Variants in NCAM2 observed in about 807,000 individuals in gnomAD.
The protein encoded by NCAM2 is N-CAM-2.
NCAM2 carries 30 observed loss-of-function variants against 98.1 expected under a neutral mutation model. That is an observed-to-expected ratio of 0.31 (90% CI 0.23 to 0.41). NCAM2 has a LOEUF of 0.41. Among genes scored for constraint, NCAM2 ranks in the 10% least tolerant of loss-of-function variants. The probability of loss-of-function intolerance (pLI) is 1.00; values close to 1 mark genes in which losing one functional copy is unlikely to be tolerated. For missense variants in NCAM2, 867 were observed against 1,005.8 expected (o/e 0.86, Z 1.87); for synonymous variants, 368 against 342.4 (o/e 1.07, Z -0.83).
rs115766445 is a variant in NCAM2 at position 21,385,067 on chromosome 21, C to T, written c.1195+11054C>T. Among the ~76,000 whole-genome samples the T allele has an allele frequency of 5.8e-3, 888 of 151,832 alleles. 13 individuals carry two copies. Among genetic ancestry groups the T allele is most frequent in the African/African-American group, 0.02 (819 of 41,436 alleles). ...CCACTATTTATTAAATCTTAATTCC[C>T]TTTATGTGAAGATTATGACACATTT... is the stretch of plus-strand genomic sequence containing the variant. On this transcript the variant is annotated intron_variant, in intron 9 of 17. Transcript: ENST00000400546.
intron 1 of NCAM2, among the ~76,000 whole-genome samples, chr21:21,137,706 C>G (rs145647782): frequency 3.9e-5 from 6 of 151,960 alleles, no homozygotes; most frequent in Admixed American, 3.3e-4. Flanking sequence ...TGCAGTGAGC[C>G]GAGATCGTGC....
chr21:21,227,320 G>T (rs1015118540), intron 1 of NCAM2, among the ~76,000 whole-genome samples: 7 of 151,654 alleles, frequency 4.6e-5, no homozygotes, highest in African/African-American at 1.7e-4. Context: ...TTCATACAAA[G>T]AAAAGGTAGT....
At chr21:21,056,546 GGAGA>G (rs531425532) in intron 1 of NCAM2, among the ~76,000 whole-genome samples, 1,706 of 147,706 alleles carry the variant, frequency 0.012, 13 homozygotes, top group Non-Finnish European at 0.016. Context: ...GGGAGAGAGA[GGAGA>G]GAGAGAGAGA....
At chr21:21,202,567 C>T (rs1306606593) in intron 1 of NCAM2, among the ~76,000 whole-genome samples, 1 of 151,750 alleles carries the variant, frequency 6.6e-6, no homozygotes, top group Admixed American at 6.6e-5. Context: ...CAGGCATGTG[C>T]CACCATGCCT....
chr21:21,092,600 C>G (rs1362376146), intron 1 of NCAM2, among the ~76,000 whole-genome samples: 1 of 151,790 alleles, frequency 6.6e-6, no homozygotes, highest in African/African-American at 2.4e-5. Context: ...AATATTATGT[C>G]AACTGAATAT....
rs184845569 is a variant in NCAM2 at position 21,383,884 on chromosome 21, G to C, written c.1195+9871G>C. Among the ~76,000 whole-genome samples the C allele has an allele frequency of 7.9e-5, 12 of 151,734 alleles. No individual in the cohort carries two copies. In the East Asian group the frequency reaches 2.1e-3, roughly 27 times the overall value. On this transcript the variant is annotated intron_variant, in intron 9 of 17. Coordinates refer to ENST00000400546, the MANE Select transcript of NCAM2 (RefSeq NM_004540.5). ...ATATATTCTCAAAAACATTATTTTT[G>C]TAATGTAAGATTGTTTAAACTACAA... is the stretch of plus-strand genomic sequence containing the variant.
intron 8 of NCAM2, among the ~76,000 whole-genome samples, chr21:21,361,737 C>G (rs543583556): frequency 6.6e-6 from 1 of 152,210 alleles, no homozygotes; most frequent in South Asian, 2.1e-4. Context: ...ATAAATCTTT[C>G]AAAGTTAAAA....
chr21:21,377,253 C>A (rs2076053887), intron 9 of NCAM2, among the ~76,000 whole-genome samples: 1 of 151,710 alleles, frequency 6.6e-6, no homozygotes, highest in Admixed American at 6.6e-5. Flanking sequence ...GTATACACCA[C>A]TAAATCTATA....
At chr21:21,201,923 A>G (rs2051267) in intron 1 of NCAM2, among the ~76,000 whole-genome samples, 129,485 of 152,074 alleles carry the variant, frequency 0.85, 56,652 homozygotes, top group Non-Finnish European at 0.96. Flanking sequence ...TCTCAAAATC[A>G]TGTTAAAAAA....
At chr21:21,090,364 A>G (rs1475073703) in intron 1 of NCAM2, among the ~76,000 whole-genome samples, 1 of 152,194 alleles carries the variant, frequency 6.6e-6, no homozygotes, top group Non-Finnish European at 1.5e-5. Context: ...AAATGTCAAT[A>G]GGCCTAGGGG....
At chr21:21,365,926 G>A (rs897253841) in intron 8 of NCAM2, among the ~76,000 whole-genome samples, 1 of 151,608 alleles carries the variant, frequency 6.6e-6, no homozygotes, top group Non-Finnish European at 1.5e-5. Flanking sequence ...TTGCTGTCTC[G>A]ATTGATATAT....
chr21:21,028,932 G>A (rs1043078734), intron 1 of NCAM2, among the ~76,000 whole-genome samples: 3 of 152,086 alleles, frequency 2.0e-5, no homozygotes, highest in African/African-American at 4.8e-5. Flanking sequence ...TTTTTCATAA[G>A]TCTGAGTATA....
intron 1 of NCAM2, among the ~76,000 whole-genome samples, chr21:21,131,422 C>A (rs188941735): frequency 2.0e-5 from 3 of 151,984 alleles, no homozygotes; most frequent in African/African-American, 4.8e-5. Context: ...TACAGGCATG[C>A]GCCACCACAC....
chr21:21,293,196 T>G (rs2073356767), intron 5 of NCAM2, among the ~76,000 whole-genome samples: 1 of 151,956 alleles, frequency 6.6e-6, no homozygotes, highest in Non-Finnish European at 1.5e-5. Context: ...CAGTCTAATC[T>G]GTTATGAAGA....
intron 1 of NCAM2, among the ~76,000 whole-genome samples, chr21:21,274,066 T>C (rs1399858660): frequency 0.023 from 3 of 132 alleles, no homozygotes; most frequent in Non-Finnish European, 0.042. Flanking sequence ...TTGGGAGGCT[T>C]GAGGCAGGAG....
chr21:21,100,750 C>T (rs1321760173), intron 1 of NCAM2, among the ~76,000 whole-genome samples: 1 of 151,972 alleles, frequency 6.6e-6, no homozygotes, highest in Non-Finnish European at 1.5e-5. Flanking sequence ...AGGTGTCTGG[C>T]CTATGACTTC....
intron 1 of NCAM2, among the ~76,000 whole-genome samples, chr21:21,201,662 T>C (rs572681381): frequency 6.6e-6 from 1 of 152,308 alleles, no homozygotes; most frequent in Non-Finnish European, 1.5e-5. Flanking sequence ...TTTGTTAATA[T>C]TCATTGTTGT....
At chr21:21,256,420 G>T (rs899412644) in intron 1 of NCAM2, among the ~76,000 whole-genome samples, 1 of 152,108 alleles carries the variant, frequency 6.6e-6, no homozygotes, top group Admixed American at 6.6e-5. Context: ...AGACACTACT[G>T]GGGACCAGGC....
chr21:21,269,856 A>G (rs539328699), intron 1 of NCAM2, among the ~76,000 whole-genome samples: 1 of 152,302 alleles, frequency 6.6e-6, no homozygotes, highest in African/African-American at 2.4e-5. Flanking sequence ...TAAGCAATGT[A>G]AGTGTTGAAT....
Sources: allele counts gnomAD v4.1 joint callset (sites outside exome capture counted in the v4.1 genomes callset), GRCh38; gene constraint gnomAD v4.1.1; transcripts MANE v1.5; gene names NCBI Gene and HGNC (gene_info 2026-07-23, HGNC 2026-07-21).